The following INPP4A variants were observed in gnomAD, a reference collection of about 807,000 sequenced individuals.
INPP4A encodes the protein inositol polyphosphate-4-phosphatase, type I, 107kD.
INPP4A carries 33 observed loss-of-function variants against 119.8 expected under a neutral mutation model. The ratio of observed to expected loss-of-function variants is 0.28; its 90% CI spans 0.21 to 0.37. INPP4A has a LOEUF of 0.37. Ranked by LOEUF, INPP4A falls within the 10% of genes least tolerant of loss-of-function variation. INPP4A has a pLI of 1.00. For missense variants in INPP4A, 956 were observed against 1,289.9 expected, an observed-to-expected ratio of 0.74 and a Z score of 3.97; for synonymous variants, 496 against 500.7, an observed-to-expected ratio of 0.99 and a Z score of 0.12.
intron 8 of INPP4A, 37 bp downstream of exon 8, chr2:98,538,011 A>T: frequency 2.2e-6 from 3 of 1,359,012 alleles, no homozygotes; most frequent in Non-Finnish European, 3.1e-6. Context: ...CCTTAGAAAG[A>T]GCAAGGGAAT....
At position 98,590,278 on chromosome 2, in the gene INPP4A, GGGAC is replaced by G. The variant is rs1700300228; in HGVS notation, c.*2671_*2674del. 5.0e-6 allele frequency: 1 copy of G among 198,354 alleles called. No homozygotes were observed. The highest frequency in any genetic ancestry group is 1.0e-5 in the Non-Finnish European group (1 of 95,940). The allele number at this position is 198,354 out of a possible 1,614,324, so 12.3% of individuals were successfully genotyped here. A position where few individuals can be genotyped will look rare whatever the true frequency, so the allele number is the denominator to read the frequency against. On this transcript the variant is annotated 3_prime_UTR_variant, in exon 25 of 25. Transcript: ENST00000409851. The stretch of plus-strand genomic sequence containing the variant: ...GTGCTGAATACATGTTTGTAAACAT[GGGAC>G]CATGGGAGACTTCCATTTTATAAGC...
intron 1 of INPP4A, among the ~76,000 whole-genome samples, chr2:98,483,681 G>T (rs1388359811): frequency 1.3e-5 from 2 of 152,118 alleles, no homozygotes. Context: ...TTACTTCTGA[G>T]CCCTGCCTAA....
At chr2:98,499,415 A>G (rs1682672740) in intron 1 of INPP4A, among the ~76,000 whole-genome samples, 2 of 152,250 alleles carry the variant, frequency 1.3e-5, no homozygotes, top group Non-Finnish European at 2.9e-5. Flanking sequence ...TACATGGTTT[A>G]ATCCTCTCAT....
At chr2:98,469,106 G>A (rs951308398) in intron 1 of INPP4A, among the ~76,000 whole-genome samples, 1 of 152,218 alleles carries the variant, frequency 6.6e-6, no homozygotes, top group African/African-American at 2.4e-5. Context: ...GCTAATTAGT[G>A]TAATCCTGGG....
intron 1 of INPP4A, among the ~76,000 whole-genome samples, chr2:98,506,649 G>A (rs905859805): frequency 2.6e-5 from 4 of 152,234 alleles, no homozygotes; most frequent in Non-Finnish European, 4.4e-5. Context: ...CTCTTCTGTG[G>A]ATTGGAAACA....
chr2:98,562,964 A>G (rs1428531578), intron 17 of INPP4A, among the ~76,000 whole-genome samples: 1 of 152,162 alleles, frequency 6.6e-6, no homozygotes. Flanking sequence ...AGAATTGAAC[A>G]CAGTTGCACA....
intron 1 of INPP4A, among the ~76,000 whole-genome samples, chr2:98,449,506 C>T (rs1009578668): frequency 5.9e-5 from 9 of 152,158 alleles, no homozygotes; most frequent in African/African-American, 1.9e-4. Context: ...AAGTGCTCAT[C>T]ATTCTTTGAG....
At chr2:98,538,553 T>C (rs1413958656) in intron 8 of INPP4A, among the ~76,000 whole-genome samples, 1 of 152,222 alleles carries the variant, frequency 6.6e-6, no homozygotes, top group Non-Finnish European at 1.5e-5. Flanking sequence ...TACAGAGATG[T>C]CTCATTTCAC....
chr2:98,542,429 A>T (rs1219397217), intron 10 of INPP4A, among the ~76,000 whole-genome samples: 1 of 152,260 alleles, frequency 6.6e-6, no homozygotes, highest in African/African-American at 2.4e-5. Context: ...GTATAAAAAA[A>T]AAATTGCAGA....
chr2:98,484,003 C>G (rs1679027916), intron 1 of INPP4A, among the ~76,000 whole-genome samples: 2 of 152,158 alleles, frequency 1.3e-5, no homozygotes, highest in Admixed American at 1.3e-4. Flanking sequence ...CTGGTTCTCC[C>G]AGAAGAGCCA....
rs575648374 is a variant in INPP4A, at chr2:98,507,126, G to A, written c.-165-11838G>A. Reference sequence around the variant, plus strand: ...CCAAATAGCTGGGTGGACCCTGAAGGGGCCATTCTGGCCATTTCTGGCCTC... The same window carrying A: ...CCAAATAGCTGGGTGGACCCTGAAGAGGCCATTCTGGCCATTTCTGGCCTC... On this transcript the variant is annotated intron_variant, in intron 1 of 24. Transcript: ENST00000409851. 2.0e-5 allele frequency among the ~76,000 whole-genome samples: 3 copies of A among 152,300 alleles called. No individual in the cohort carries two copies. The South Asian group carries it at 6.2e-4, about 32-fold the overall frequency.
intron 18 of INPP4A, 70 bp downstream of exon 18, chr2:98,563,707 C>G: frequency 6.7e-7 from 1 of 1,494,216 alleles, no homozygotes. Context: ...GCTTAGGAAG[C>G]CCTTCCCTCT....
intron 22 of INPP4A, chr2:98,571,959 C>G (rs918821422): frequency 6.6e-6 from 1 of 152,568 alleles, no homozygotes; most frequent in Non-Finnish European, 1.5e-5. Flanking sequence ...GTGTGGAGCA[C>G]TCAGCAGCAA....
intron 1 of INPP4A, among the ~76,000 whole-genome samples, chr2:98,518,704 C>T (rs1156575628): frequency 6.6e-6 from 1 of 152,240 alleles, no homozygotes; most frequent in Non-Finnish European, 1.5e-5. Context: ...AAACCACACC[C>T]AGCTGCTCAC....
intron 1 of INPP4A, among the ~76,000 whole-genome samples, chr2:98,470,504 C>A (rs913148113): frequency 6.6e-6 from 1 of 152,214 alleles, no homozygotes; most frequent in Non-Finnish European, 1.5e-5. Flanking sequence ...TGGGGCCTTT[C>A]GCCTTCTCAG....
chr2:98,581,912 T>G (rs1364707253), intron 24 of INPP4A: 62 of 1,186,576 alleles, frequency 5.2e-5, no homozygotes, highest in Non-Finnish European at 2.2e-6. Flanking sequence ...TCTTCTGAAC[T>G]GTAAATATCT....
At chr2:98,461,176 T>G (rs1697087676) in intron 1 of INPP4A, among the ~76,000 whole-genome samples, 1 of 152,174 alleles carries the variant, frequency 6.6e-6, no homozygotes, top group Admixed American at 6.5e-5. Context: ...GGACGGGGGT[T>G]GGCTCATGGT....
chr2:98,579,050 TTTTTTTC>T (rs1021878040), intron 24 of INPP4A, among the ~76,000 whole-genome samples: 4 of 152,018 alleles, frequency 2.6e-5, no homozygotes, highest in African/African-American at 9.7e-5. Context: ...CTTATCACTT[TTTTTTTC>T]TTTTTTTTTT....
In INPP4A at chr2:98,460,984, C is replaced by T. The variant is rs75323075; in HGVS notation, c.-166+15899C>T. 5.2e-3 allele frequency among the ~76,000 whole-genome samples: 795 copies of T among 152,290 alleles called. 12 individuals carry two copies. The highest frequency in any genetic ancestry group is 0.018 in the African/African-American group (739 of 41,550). On this transcript the variant is annotated intron_variant, in intron 1 of 24. Coordinates refer to ENST00000409851, the MANE Select transcript of INPP4A (RefSeq NM_001134225.2). ...GAAATGGTATTAATTGTCTCAGGGG[C>T]TCTCCCTACAGTGTGAAATAGCTGG...
Sources: gnomAD v4.1 joint callset for allele counts (sites outside exome capture counted in the v4.1 genomes callset) on GRCh38, gnomAD v4.1.1 for gene constraint, MANE v1.5 for transcripts, NCBI Gene and HGNC (gene_info 2026-07-23, HGNC 2026-07-21) for gene names.